The following TTLL4 variants were observed in gnomAD, a reference collection of about 807,000 sequenced individuals.
TTLL4 encodes tubulin tyrosine ligase like 4.
In TTLL4, 85 loss-of-function variants were observed where a neutral mutation model predicts 122.7. The ratio of observed to expected loss-of-function variants is 0.69; its 90% CI spans 0.58 to 0.83. The LOEUF is 0.83. TTLL4 is among the 40% of genes least tolerant of loss of function. TTLL4 has a pLI of 0.00. For missense variants in TTLL4, 1,363 were observed against 1,488.6 expected (o/e 0.92, Z 1.39); for synonymous variants, 553 against 563.0 (o/e 0.98, Z 0.25).
chr2:218,739,224 G>A (rs1470015624), intron 3 of TTLL4, 61 bp downstream of exon 3: 1 of 1,528,000 alleles, frequency 6.5e-7, no homozygotes, highest in East Asian at 2.3e-5. Flanking sequence ...ATAATTTGGG[G>A]TGGCACCGAC....
At position 218,754,442 on chromosome 2, in the gene TTLL4, C is replaced by T. The variant is rs193071168; in HGVS notation, c.*53C>T. Reference sequence around the variant, plus strand: ...AGGAGCATGGGCATCAGCTACCTCACGGGAACCAGCCTGCTGTTCAGACCA... The same window carrying T: ...AGGAGCATGGGCATCAGCTACCTCATGGGAACCAGCCTGCTGTTCAGACCA... On this transcript the variant is annotated 3_prime_UTR_variant, in exon 20 of 20. Transcript: ENST00000392102. 1.3e-3 allele frequency: 2,058 copies of T among 1,605,290 alleles called. 2 individuals are homozygous for T. Among genetic ancestry groups the T allele is most frequent in the Non-Finnish European group, 1.6e-3 (1,882 of 1,175,882 alleles).
chr2:218,750,284 A>G (rs1559374529), intron 15 of TTLL4, 138 bp downstream of exon 15: 3 of 1,182,316 alleles, frequency 2.5e-6, no homozygotes, highest in South Asian at 3.1e-5. Context: ...GTCCACTAAC[A>G]TGCTACCATG....
Position 218,749,265 on chromosome 2 carries a change from T to C in TTLL4, c.2613T>C (p.Tyr871=). The change falls in exon 14 of 20, where the codon TAT becomes TAC. Residue 871 remains tyrosine (Y), a synonymous_variant. Coordinates refer to ENST00000392102, the MANE Select transcript of TTLL4 (RefSeq NM_014640.5). Reference sequence around the variant, plus strand: ...TCCCCATGACCAGGTCAGAGCCCTATGTGACCAGCCTGCTCAAGATGTATG... The same window carrying C: ...TCCCCATGACCAGGTCAGAGCCCTACGTGACCAGCCTGCTCAAGATGTATG... ...VVKTIISSEP[Y]VTSLLKMYVR... 2 of 1,614,174 alleles carry C rather than the reference T, an allele frequency of 1.2e-6. No homozygotes were observed. Among genetic ancestry groups the C allele is most frequent in the Non-Finnish European group, 1.7e-6 (2 of 1,180,026 alleles).
intron 15 of TTLL4, 114 bp downstream of exon 15, chr2:218,750,260 A>G (rs751815856): frequency 3.1e-5 from 45 of 1,435,992 alleles, no homozygotes; most frequent in East Asian, 7.0e-5. Context: ...TTGCTGCTCA[A>G]TCTTGCCCCT....
chr2:218,758,557 A>G (rs895926687), downstream of TTLL4, among the ~76,000 whole-genome samples: 11 of 152,246 alleles, frequency 7.2e-5, no homozygotes, highest in Admixed American at 5.9e-4. Flanking sequence ...GATTTTATCC[A>G]TAATTAAAGC....
At chr2:218,726,529 G>A (rs752813428) in intron 1 of TTLL4, among the ~76,000 whole-genome samples, 8 of 149,320 alleles carry the variant, frequency 5.4e-5, no homozygotes, top group Non-Finnish European at 3.0e-5. Flanking sequence ...GCAGTGGCAC[G>A]ATCTCAGCTC....
chr2:218,748,860 C>T lies in TTLL4; in HGVS notation c.2526C>T (p.Tyr842=). The change falls in exon 13 of 20, where the codon TAC becomes TAT. Residue 842 remains tyrosine (Y), a synonymous_variant. Transcript: ENST00000392102. The part of the protein sequence containing the change: ...HKWALKALWN[Y]LSQKGVNSDA... ...GGGCACTGAAGGCTTTGTGGAACTA[C>T]CTGAGCCAGAAGGGAGTCAATAGCG... The T allele has an allele frequency of 6.2e-7, 1 of 1,614,148 alleles. No homozygotes were observed. Among genetic ancestry groups the T allele is most frequent in the South Asian group, 1.1e-5 (1 of 91,076 alleles).
In TTLL4 at chr2:218,739,036, C is replaced by T. The variant is rs1320049450; in HGVS notation, c.1360C>T (p.Pro454Ser). The T allele has an allele frequency of 1.1e-5, 18 of 1,614,060 alleles. No individual in the cohort carries two copies. Among genetic ancestry groups the T allele is most frequent in the Non-Finnish European group, 1.4e-5 (17 of 1,180,048 alleles). ...ATTTGGAGAAGGCAAAGCTCCAGGTCCCCCTTTTCCTCAAACTCTTGGCAT... is the reference window on the plus strand; with the variant it reads ...ATTTGGAGAAGGCAAAGCTCCAGGTTCCCCTTTTCCTCAAACTCTTGGCAT... ...SAFGEGKAPG[P>S]PFPQTLGIAN... Residue 454 changes from proline (P) to serine (S), a missense_variant, in exon 3 of 20, where the codon CCC (proline) becomes TCC (serine). Transcript: ENST00000392102.
At chr2:218,718,314 A>C (rs1372348570) in intron 1 of TTLL4, among the ~76,000 whole-genome samples, 1 of 152,148 alleles carries the variant, frequency 6.6e-6, no homozygotes, top group South Asian at 2.1e-4. Flanking sequence ...ACCTTGTCCA[A>C]GTTGGTCTGG....
chr2:218,751,394 G>T (rs1047482940), intron 15 of TTLL4, among the ~76,000 whole-genome samples: 5 of 152,182 alleles, frequency 3.3e-5, no homozygotes, highest in African/African-American at 9.7e-5. Context: ...TGAGTATATA[G>T]TTAAGTGTTC....
intron 15 of TTLL4, among the ~76,000 whole-genome samples, chr2:218,750,635 C>G (rs1263097102): frequency 6.6e-6 from 1 of 152,142 alleles, no homozygotes; most frequent in East Asian, 1.9e-4. Context: ...CTCCTGTGCC[C>G]TGACAAACTG....
chr2:218,733,215 A>G (rs1942427481), intron 2 of TTLL4, among the ~76,000 whole-genome samples: 1 of 152,140 alleles, frequency 6.6e-6, no homozygotes, highest in South Asian at 2.1e-4. Context: ...TGGGGACTGT[A>G]TTAGTTCGTT....
rs1049340837 is a variant in TTLL4 at position 218,726,169 on chromosome 2, G to A, written c.-177-1100G>A. 4.4e-4 allele frequency among the ~76,000 whole-genome samples: 67 copies of A among 152,242 alleles called. 1 individual carries two copies. The highest frequency in any genetic ancestry group is 1.4e-3 in the East Asian group (7 of 5,180). On this transcript the variant is annotated intron_variant, in intron 1 of 19. Coordinates refer to ENST00000392102, the MANE Select transcript of TTLL4 (RefSeq NM_014640.5). ...GACTATCTCTCATATTTGAAGGGTA[G>A]TTTTGCTGGATACAGTATTCTTGGA...
chr2:218,712,639 G>A (rs1941747393), intron 1 of TTLL4, among the ~76,000 whole-genome samples: 1 of 151,886 alleles, frequency 6.6e-6, no homozygotes, highest in African/African-American at 2.4e-5. Flanking sequence ...CACCCGCCTC[G>A]GCCTCCCAAA....
chr2:218,753,389 C>A (rs764571069), intron 18 of TTLL4, 195 bp from the exon 19 acceptor site: 2 of 809,598 alleles, frequency 2.5e-6, no homozygotes, highest in Non-Finnish European at 4.0e-6. Flanking sequence ...TCAAAAAGTG[C>A]TTTGTAGGCC....
intron 1 of TTLL4, among the ~76,000 whole-genome samples, chr2:218,716,101 GAGA>G (rs1404675245): frequency 3.9e-5 from 6 of 152,210 alleles, no homozygotes; most frequent in Non-Finnish European, 8.8e-5. Context: ...AATCTCTTCA[GAGA>G]AGTAGTTAAA....
At chr2:218,749,441 TC>T in intron 14 of TTLL4, 54 bp downstream of exon 14, 1 of 1,577,790 alleles carries the variant, frequency 6.3e-7, no homozygotes, top group Non-Finnish European at 8.6e-7. Context: ...ATTCTCACGC[TC>T]CCATTGCCAC....
chr2:218,754,218 C>T lies in TTLL4; in HGVS notation c.3429C>T (p.Ser1143=), dbSNP rs2106467254. The T allele has an allele frequency of 6.2e-7, 1 of 1,614,202 alleles. No homozygotes were observed. The highest frequency in any genetic ancestry group is 8.5e-7 in the Non-Finnish European group (1 of 1,180,048). The change falls in exon 20 of 20, where the codon TCC becomes TCT. Residue 1143 remains serine (S), a synonymous_variant. Coordinates refer to ENST00000392102, the MANE Select transcript of TTLL4 (RefSeq NM_014640.5). ...CCAAGAAGACTCAAGCTGGCCTTTCCCCTTATCCCCAGAAACCCAGTTCCT... is the reference window on the plus strand; with the variant it reads ...CCAAGAAGACTCAAGCTGGCCTTTCTCCTTATCCCCAGAAACCCAGTTCCT... ...PKSKKTQAGL[S]PYPQKPSSSK...
intron 3 of TTLL4, among the ~76,000 whole-genome samples, chr2:218,739,483 C>T (rs1349700672): frequency 6.6e-6 from 1 of 152,210 alleles, no homozygotes; most frequent in Admixed American, 6.5e-5. Context: ...AATATTTACT[C>T]TCTGGTCCTT....
Sources: allele counts gnomAD v4.1 joint callset (sites outside exome capture counted in the v4.1 genomes callset), GRCh38; gene constraint gnomAD v4.1.1; transcripts MANE v1.5; gene names NCBI Gene and HGNC (gene_info 2026-07-23, HGNC 2026-07-21).